Variants in NLGN4X observed in about 807,000 individuals in gnomAD.
NLGN4X encodes neuroligin 4 X-linked, also known as neuroligin-4, X-linked.
In NLGN4X, 3 loss-of-function variants were observed where a neutral mutation model predicts 40.3. The ratio of observed to expected loss-of-function variants is 0.07; its 90% CI spans 0.03 to 0.19. NLGN4X has a LOEUF of 0.19. Among genes scored for constraint, NLGN4X ranks in the 10% least tolerant of loss-of-function variants. The probability of loss-of-function intolerance (pLI) is 1.00; values close to 1 mark genes in which losing one functional copy is unlikely to be tolerated. For missense variants in NLGN4X, 382 were observed against 708.3 expected (o/e 0.54, Z 5.23); for synonymous variants, 270 against 306.8 (o/e 0.88, Z 1.25).
chrX:6,088,516 T>C (rs1048442843), intron 2 of NLGN4X, among the ~76,000 whole-genome samples: 21 of 111,981 alleles, frequency 1.9e-4, no homozygotes, highest in Non-Finnish European at 3.9e-4. Context: ...AGTCTTAATA[T>C]GGTATTATGG....
At chrX:6,057,970 A>G (rs2037675560) in intron 2 of NLGN4X, among the ~76,000 whole-genome samples, 1 of 111,827 alleles carries the variant, frequency 8.9e-6, no homozygotes, top group Non-Finnish European at 1.9e-5. Flanking sequence ...TCATCACAAG[A>G]TAAGACTTCA....
At chrX:6,204,005 T>C (rs780618841) in intron 1 of NLGN4X, among the ~76,000 whole-genome samples, 59 of 112,329 alleles carry the variant, frequency 5.3e-4, no homozygotes, top group South Asian at 1.5e-3. Context: ...TTTCTCATTT[T>C]CTCTTCCTTA....
chrX:5,957,830 C>G (rs773289681), intron 3 of NLGN4X, among the ~76,000 whole-genome samples: 1 of 112,121 alleles, frequency 8.9e-6, no homozygotes, highest in South Asian at 3.7e-4. Context: ...TCATGCCTAA[C>G]ATAAATTTAC....
intron 2 of NLGN4X, among the ~76,000 whole-genome samples, chrX:6,101,929 C>A (rs1299207498): frequency 9.2e-6 from 1 of 108,931 alleles, no homozygotes; most frequent in Non-Finnish European, 1.9e-5. Context: ...CCTGCCTCAG[C>A]CTCCTGAGTA....
At chrX:5,960,955 T>C (rs1471540672) in intron 3 of NLGN4X, among the ~76,000 whole-genome samples, 1 of 112,122 alleles carries the variant, frequency 8.9e-6, no homozygotes, top group African/African-American at 3.2e-5. Flanking sequence ...TTCACATTAA[T>C]AATAAATTTC....
intron 3 of NLGN4X, among the ~76,000 whole-genome samples, chrX:5,950,392 G>A (rs973870137): frequency 2.7e-5 from 3 of 111,895 alleles, no homozygotes; most frequent in Non-Finnish European, 5.6e-5. Flanking sequence ...TTTTAAAATT[G>A]GTATCAATGG....
chrX:5,929,210 C>A (rs1341593657), intron 3 of NLGN4X, among the ~76,000 whole-genome samples: 1 of 111,571 alleles, frequency 9.0e-6, no homozygotes. Flanking sequence ...CCTCTGTAAT[C>A]CCAGCACTTT....
chrX:5,925,875 TAC>T (rs201741503), intron 3 of NLGN4X, among the ~76,000 whole-genome samples: 2,311 of 14,401 alleles, frequency 0.16, 234 homozygotes, highest in East Asian at 0.47. Flanking sequence ...TATATATACA[TAC>T]ACACATATAT....
At chrX:6,143,913 C>A (rs865889047) in intron 2 of NLGN4X, among the ~76,000 whole-genome samples, 1 of 112,064 alleles carries the variant, frequency 8.9e-6, no homozygotes, top group Middle Eastern at 4.6e-3. Flanking sequence ...TTTAAAAAAT[C>A]TGCCACCATT....
At chrX:6,200,358 A>T (rs1426323919) in intron 1 of NLGN4X, among the ~76,000 whole-genome samples, 1 of 111,921 alleles carries the variant, frequency 8.9e-6, no homozygotes, top group Non-Finnish European at 1.9e-5. Flanking sequence ...GGGCAGAGGG[A>T]GTGGCACACA....
chrX:5,983,495 T>C (rs1478304883), intron 3 of NLGN4X, among the ~76,000 whole-genome samples: 1 of 111,068 alleles, frequency 9.0e-6, no homozygotes, highest in African/African-American at 3.3e-5. Flanking sequence ...AAAATAAAAA[T>C]CAAATCAAAC....
At chrX:6,144,129 C>T (rs1449788104) in intron 2 of NLGN4X, among the ~76,000 whole-genome samples, 1 of 111,041 alleles carries the variant, frequency 9.0e-6, no homozygotes, top group African/African-American at 3.3e-5. Context: ...ACCTATCTCT[C>T]AAATTTTTAA....
At chrX:6,008,840 T>G (rs1211596764) in intron 3 of NLGN4X, among the ~76,000 whole-genome samples, 1 of 111,971 alleles carries the variant, frequency 8.9e-6, no homozygotes, top group African/African-American at 3.2e-5. Context: ...GAAATAATTT[T>G]CCATTCTCTC....
intron 3 of NLGN4X, among the ~76,000 whole-genome samples, chrX:5,947,518 C>A (rs1455427477): frequency 9.0e-6 from 1 of 111,518 alleles, no homozygotes. Flanking sequence ...AGGAATTTGT[C>A]CAAGGCGTTC....
Position 6,186,124 on chromosome X carries a change from G to A in NLGN4X, c.-305-34353C>T, listed in dbSNP as rs913628290. Among the ~76,000 whole-genome samples the A allele has an allele frequency of 9.8e-5, 11 of 112,259 alleles. 1 individual carries two copies. In the East Asian group the frequency reaches 1.7e-3, roughly 17 times the overall value. On this transcript the variant is annotated intron_variant, in intron 1 of 5. Coordinates refer to ENST00000381095, the MANE Select transcript of NLGN4X (RefSeq NM_181332.3). Reference sequence around the variant, plus strand: ...GTATGCACGGATGCATTAACTCATAGGCCCAAGATGATCACCATGAATTGC... The same window carrying A: ...GTATGCACGGATGCATTAACTCATAAGCCCAAGATGATCACCATGAATTGC...
intron 2 of NLGN4X, among the ~76,000 whole-genome samples, chrX:6,055,489 G>T (rs910390372): frequency 1.8e-5 from 2 of 111,449 alleles, no homozygotes; most frequent in South Asian, 7.6e-4. Context: ...AACTACTATA[G>T]GGTGCTGGTT....
intron 5 of NLGN4X, 79 bp downstream of exon 5, chrX:5,902,998 G>A (rs1365401869): frequency 2.7e-6 from 3 of 1,096,945 alleles, no homozygotes; most frequent in African/African-American, 3.6e-5. Context: ...TCCTGCACGT[G>A]GCAGTAGAAG....
intron 1 of NLGN4X, among the ~76,000 whole-genome samples, chrX:6,201,831 G>C (rs1053096066): frequency 9.0e-6 from 1 of 111,055 alleles, no homozygotes; most frequent in African/African-American, 3.3e-5. Flanking sequence ...GTAAGGGCAG[G>C]AAGGAACTTG....
chrX:6,146,645 T>C (rs776847938), intron 2 of NLGN4X, among the ~76,000 whole-genome samples: 20 of 109,129 alleles, frequency 1.8e-4, no homozygotes, highest in African/African-American at 6.3e-4. Flanking sequence ...ACACCTTGCA[T>C]CCAATAATCT....
Sources: allele counts gnomAD v4.1 joint callset (sites outside exome capture counted in the v4.1 genomes callset), GRCh38; gene constraint gnomAD v4.1.1; transcripts MANE v1.5; gene names NCBI Gene and HGNC (gene_info 2026-07-23, HGNC 2026-07-21).